Variants in CTNNA2 observed in about 807,000 individuals in gnomAD.
CTNNA2 encodes the protein catenin alpha-2.
A neutral mutation model predicts 101.0 loss-of-function variants in CTNNA2; 42 were observed. The ratio of observed to expected loss-of-function variants is 0.42; its 90% CI spans 0.32 to 0.54. The LOEUF (loss-of-function observed/expected upper bound fraction) is 0.54. Among genes scored for constraint, CTNNA2 ranks in the 20% least tolerant of loss-of-function variants. The pLI is 0.14. For synonymous variants in CTNNA2, 450 were observed against 456.4 expected, an observed-to-expected ratio of 0.99 and a Z score of 0.18; for missense variants, 871 against 1,223.1, an observed-to-expected ratio of 0.71 and a Z score of 4.29.
chr2:79,219,234 T>C (rs957235059), intron 2 of CTNNA2, among the ~76,000 whole-genome samples: 1 of 152,210 alleles, frequency 6.6e-6, no homozygotes, highest in Admixed American at 6.5e-5. Context: ...TTGCTGAACA[T>C]TTAAATGTTT....
Position 80,545,999 on chromosome 2 carries a change from G to A in CTNNA2, c.1476G>A (p.Gln492=). Residue 492 remains glutamine (Q), a synonymous_variant, in exon 11 of 19, where the codon CAG becomes CAA. Transcript: ENST00000402739. ...MDVFKDQWEK[Q]VRVLTEAVDD... ...TCTTCAAAGACCAGTGGGAGAAGCA[G>A]GTCCGAGTGTTGACAGAGGCCGTGG... 2 of 1,614,140 alleles carry A rather than the reference G, an allele frequency of 1.2e-6. No individual in the cohort carries two copies. Among genetic ancestry groups the A allele is most frequent in the Non-Finnish European group, 1.7e-6 (2 of 1,180,014 alleles).
chr2:79,764,195 G>A (rs1352853859), intron 3 of CTNNA2, among the ~76,000 whole-genome samples: 1 of 152,148 alleles, frequency 6.6e-6, no homozygotes, highest in Non-Finnish European at 1.5e-5. Context: ...ACAACATACA[G>A]TAAATTTTGC....
At chr2:79,257,738 G>A (rs1034176096) in intron 2 of CTNNA2, among the ~76,000 whole-genome samples, 8 of 151,930 alleles carry the variant, frequency 5.3e-5, no homozygotes, top group African/African-American at 1.9e-4. Flanking sequence ...AACTGTCACC[G>A]GGAGGCTCTT....
intron 7 of CTNNA2, among the ~76,000 whole-genome samples, chr2:80,119,956 A>G (rs1701738064): frequency 6.6e-6 from 1 of 152,226 alleles, no homozygotes; most frequent in Non-Finnish European, 1.5e-5. Context: ...GGCAATCTAT[A>G]AACAATAGCC....
At chr2:79,234,192 G>T (rs138656858) in intron 2 of CTNNA2, among the ~76,000 whole-genome samples, 46 of 151,858 alleles carry the variant, frequency 3.0e-4, no homozygotes, top group Non-Finnish European at 6.0e-4. Flanking sequence ...TTGTTTCCAT[G>T]TTAATGCTCC....
chr2:79,332,327 A>G (rs115440035), intron 3 of CTNNA2, among the ~76,000 whole-genome samples: 144 of 152,020 alleles, frequency 9.5e-4, no homozygotes, highest in African/African-American at 3.4e-3. Context: ...ACGATGGCCA[A>G]CACTTCTGGA....
chr2:80,514,424 T>G (rs1255983622), intron 9 of CTNNA2, among the ~76,000 whole-genome samples: 1 of 152,176 alleles, frequency 6.6e-6, no homozygotes, highest in East Asian at 1.9e-4. Context: ...TGCCTTGTCC[T>G]GTGTGGTGGC....
At chr2:79,313,151 C>T (rs1014223494) in intron 3 of CTNNA2, among the ~76,000 whole-genome samples, 4 of 152,132 alleles carry the variant, frequency 2.6e-5, no homozygotes, top group Non-Finnish European at 5.9e-5. Context: ...CCTTGGCTCC[C>T]GTTTGCATTT....
At chr2:79,718,580 T>C (rs1485834863) in intron 2 of CTNNA2, among the ~76,000 whole-genome samples, 1 of 152,166 alleles carries the variant, frequency 6.6e-6, no homozygotes, top group Non-Finnish European at 1.5e-5. Flanking sequence ...TATCTAAAAA[T>C]TAGACCTCAC....
intron 7 of CTNNA2, among the ~76,000 whole-genome samples, chr2:80,098,988 C>T (rs113885604): frequency 3.6e-4 from 55 of 152,148 alleles, no homozygotes; most frequent in African/African-American, 8.9e-4. Flanking sequence ...CTTCAGCTCA[C>T]GCACGGTGCA....
At chr2:80,346,111 C>T (rs944479336) in intron 7 of CTNNA2, among the ~76,000 whole-genome samples, 4 of 152,200 alleles carry the variant, frequency 2.6e-5, no homozygotes, top group Middle Eastern at 3.4e-3. Flanking sequence ...TATTTTGTTT[C>T]GGGGACTTAA....
At chr2:79,682,930 C>A (rs1208534585) in intron 2 of CTNNA2, among the ~76,000 whole-genome samples, 1 of 152,026 alleles carries the variant, frequency 6.6e-6, no homozygotes, top group Non-Finnish European at 1.5e-5. Flanking sequence ...AACAAAAATA[C>A]AAAATATTTT....
intron 1 of CTNNA2, among the ~76,000 whole-genome samples, chr2:79,529,467 G>A (rs918161648): frequency 4.6e-5 from 7 of 152,102 alleles, no homozygotes; most frequent in Non-Finnish European, 8.8e-5. Flanking sequence ...TGAGCTGTTG[G>A]TATTCAAATT....
chr2:79,798,240 G>A (rs1040204715), intron 3 of CTNNA2, among the ~76,000 whole-genome samples: 4 of 152,172 alleles, frequency 2.6e-5, no homozygotes, highest in African/African-American at 9.7e-5. Flanking sequence ...CAGGTTGAAA[G>A]CAAGATGGTA....
chr2:79,465,704 T>C (rs1670926315), intron 4 of CTNNA2, among the ~76,000 whole-genome samples: 1 of 152,158 alleles, frequency 6.6e-6, no homozygotes, highest in Admixed American at 6.5e-5. Flanking sequence ...TCACATCCCT[T>C]GTAAGTTGGA....
intron 2 of CTNNA2, among the ~76,000 whole-genome samples, chr2:79,265,738 A>T (rs934433714): frequency 3.3e-5 from 5 of 152,198 alleles, no homozygotes; most frequent in African/African-American, 1.2e-4. Context: ...AGTCATGACA[A>T]ACTTGATTCA....
intron 2 of CTNNA2, among the ~76,000 whole-genome samples, chr2:79,289,452 A>G (rs535782380): frequency 5.9e-5 from 9 of 151,956 alleles, no homozygotes; most frequent in African/African-American, 1.9e-4. Flanking sequence ...TGGGCTAATG[A>G]GTCGGGTTGG....
chr2:79,551,657 T>C (rs549409644), intron 1 of CTNNA2, among the ~76,000 whole-genome samples: 5 of 152,240 alleles, frequency 3.3e-5, no homozygotes, highest in Non-Finnish European at 5.9e-5. Flanking sequence ...TTATAAAGAA[T>C]AGAGGTTTAA....
chr2:79,954,441 T>C (rs1689087731), intron 7 of CTNNA2, among the ~76,000 whole-genome samples: 1 of 152,200 alleles, frequency 6.6e-6, no homozygotes, highest in African/African-American at 2.4e-5. Context: ...GTTTCACTCC[T>C]TGTCTCTTTC....
Sources: allele counts gnomAD v4.1 joint callset (sites outside exome capture counted in the v4.1 genomes callset), GRCh38; gene constraint gnomAD v4.1.1; transcripts MANE v1.5; gene names NCBI Gene and HGNC (gene_info 2026-07-23, HGNC 2026-07-21).